SPATA13: variants seen among roughly 807,000 people sequenced by gnomAD.
SPATA13 encodes the protein spermatogenesis associated 13, also known as spermatogenesis-associated protein 13.
SPATA13 carries 50 observed loss-of-function variants against 104.0 expected under a neutral mutation model. That is an observed-to-expected ratio of 0.48 (90% CI 0.38 to 0.61). The LOEUF is 0.61. Ranked by LOEUF, SPATA13 falls within the 20% of genes least tolerant of loss-of-function variation. The pLI, the probability that SPATA13 is intolerant of heterozygous loss-of-function variation, is 0.00. For synonymous variants in SPATA13, 606 were observed against 667.5 expected, an observed-to-expected ratio of 0.91 and a Z score of 1.42; for missense variants, 1,524 against 1,690.6, an observed-to-expected ratio of 0.90 and a Z score of 1.73.
At chr13:24,256,011 G>A (rs1341975630) in intron 4 of SPATA13, among the ~76,000 whole-genome samples, 1 of 152,198 alleles carries the variant, frequency 6.6e-6, no homozygotes, top group Non-Finnish European at 1.5e-5. Context: ...AATACTTTCT[G>A]CATAAAATAT....
At chr13:24,076,414 A>T (rs746492823) in intron 3 of SPATA13, among the ~76,000 whole-genome samples, 4 of 152,194 alleles carry the variant, frequency 2.6e-5, no homozygotes, top group Non-Finnish European at 5.9e-5. Flanking sequence ...GACGAGGGGA[A>T]CAGACAATGA....
At chr13:24,231,092 C>T (rs1872247099) in intron 2 of SPATA13, among the ~76,000 whole-genome samples, 1 of 152,184 alleles carries the variant, frequency 6.6e-6, no homozygotes, top group Non-Finnish European at 1.5e-5. Flanking sequence ...TTTTACCAAT[C>T]CCTGTTCCCA....
At chr13:24,108,981 AC>A (rs1488350792) in intron 3 of SPATA13, among the ~76,000 whole-genome samples, 1 of 151,846 alleles carries the variant, frequency 6.6e-6, no homozygotes, top group African/African-American at 2.4e-5. Context: ...TTTAAATTAT[AC>A]TTTAAGTTCT....
intron 3 of SPATA13, among the ~76,000 whole-genome samples, chr13:24,068,662 A>AT (rs994486836): frequency 1.3e-5 from 2 of 152,008 alleles, no homozygotes; most frequent in African/African-American, 2.4e-5. Flanking sequence ...TTTTTGGACT[A>AT]TTTTGACTTG....
At chr13:24,196,976 G>A (rs1224841342) in intron 1 of SPATA13, among the ~76,000 whole-genome samples, 1 of 152,120 alleles carries the variant, frequency 6.6e-6, no homozygotes, top group East Asian at 1.9e-4. Context: ...GGTGAGTAGT[G>A]ATTACATATA....
intron 3 of SPATA13, among the ~76,000 whole-genome samples, chr13:24,114,098 T>C (rs1042127922): frequency 5.3e-5 from 8 of 152,208 alleles, no homozygotes; most frequent in African/African-American, 1.9e-4. Context: ...AAGACATTCA[T>C]ATGCAGTGTA....
intron 1 of SPATA13, among the ~76,000 whole-genome samples, chr13:24,173,838 T>C (rs1367026716): frequency 6.6e-6 from 1 of 152,218 alleles, no homozygotes; most frequent in Non-Finnish European, 1.5e-5. Context: ...TTTGGTCGTA[T>C]GAATAATTAT....
In SPATA13 at chr13:24,277,304, T is replaced by C. The variant is rs373764359; in HGVS notation, c.2165-6831T>C. Among the ~76,000 whole-genome samples the C allele has an allele frequency of 5.5e-3, 825 of 151,260 alleles. 2 individuals carry two copies. The highest frequency in any genetic ancestry group is 8.8e-3 in the African/African-American group (361 of 41,242). On this transcript the variant is annotated intron_variant, in intron 4 of 12. Coordinates refer to ENST00000382108, the MANE Select transcript of SPATA13 (RefSeq NM_001166271.3). ...CTAAAAATACAAAAAATTAGCTGGG[T>C]GTGGTGGCGGGCGCCTGTAGTCCCA...
In SPATA13 at chr13:24,198,282, C is replaced by T. The variant is rs576155208; in HGVS notation, c.-111-24537C>T. On this transcript the variant is annotated intron_variant, in intron 1 of 12. Transcript: ENST00000382108. ...TGCTGAGATTACAGGCGTGAGCCAC[C>T]GCACCGAGCCACCTTGTTTTGTTTC... 1.5e-4 allele frequency among the ~76,000 whole-genome samples: 23 copies of T among 152,224 alleles called. 1 individual carries two copies. The highest frequency in any genetic ancestry group is 2.9e-4 in the African/African-American group (12 of 41,532).
intron 3 of SPATA13, among the ~76,000 whole-genome samples, chr13:24,101,265 C>T (rs1224953282): frequency 1.3e-5 from 2 of 152,114 alleles, no homozygotes; most frequent in Admixed American, 6.6e-5. Context: ...TCTTAAAGTC[C>T]GTATACCATT....
intron 3 of SPATA13, among the ~76,000 whole-genome samples, chr13:24,116,770 C>CT (rs1491390042): frequency 7.1e-5 from 5 of 70,092 alleles, no homozygotes; most frequent in Non-Finnish European, 1.3e-4. Context: ...GCCCTACCAG[C>CT]CCCCCCCCCC....
chr13:24,137,093 G>A (rs1391571982), intron 3 of SPATA13, among the ~76,000 whole-genome samples: 1 of 35,148 alleles, frequency 2.8e-5, no homozygotes, highest in Non-Finnish European at 6.4e-5. Context: ...GCCTCCCAAA[G>A]TGCTGGGATT....
At position 24,224,087 on chromosome 13, in the gene SPATA13, C is replaced by G. The variant is rs538600242; in HGVS notation, c.1158C>G (p.Thr386=). ...GGAVMHGTTA[T]CTVAPGFGSA... is the part of the protein sequence containing the mutation. Reference sequence around the variant, plus strand: ...CGGTCATGCATGGGACCACTGCAACCTGCACCGTGGCCCCCGGTTTCGGCT... The same window carrying G: ...CGGTCATGCATGGGACCACTGCAACGTGCACCGTGGCCCCCGGTTTCGGCT... The change falls in exon 2 of 13, where the codon ACC becomes ACG. Residue 386 remains threonine (T), a synonymous_variant. Transcript: ENST00000382108. 6.4e-7 allele frequency: 1 copy of G among 1,551,262 alleles called. No homozygotes were observed. The highest frequency in any genetic ancestry group is 1.4e-5 in the African/African-American group (1 of 73,174).
At chr13:24,289,806 A>G (rs1198366732) in intron 8 of SPATA13, among the ~76,000 whole-genome samples, 1 of 152,218 alleles carries the variant, frequency 6.6e-6, no homozygotes, top group Non-Finnish European at 1.5e-5. Flanking sequence ...TCAGAGGAAG[A>G]TTTTAGTCCC....
intron 2 of SPATA13, among the ~76,000 whole-genome samples, chr13:24,014,482 C>T (rs1203510193): frequency 6.6e-6 from 1 of 152,174 alleles, no homozygotes; most frequent in African/African-American, 2.4e-5. Context: ...TGGATGAACA[C>T]ATATTTTGCA....
intron 3 of SPATA13, among the ~76,000 whole-genome samples, chr13:24,077,485 G>A (rs1879372583): frequency 6.6e-6 from 1 of 152,110 alleles, no homozygotes; most frequent in African/African-American, 2.4e-5. Flanking sequence ...GGGGGAAGAA[G>A]GGAGTGGGTG....
At chr13:24,214,771 TGTAAAGG>T (rs1871193569) in intron 1 of SPATA13, among the ~76,000 whole-genome samples, 1 of 152,206 alleles carries the variant, frequency 6.6e-6, no homozygotes, top group Non-Finnish European at 1.5e-5. Context: ...GCTTCTGCCT[TGTAAAGG>T]GTAACATAAC....
intron 8 of SPATA13, 113 bp from the exon 9 acceptor site, chr13:24,290,539 T>G: frequency 1.3e-6 from 1 of 787,484 alleles, no homozygotes; most frequent in Non-Finnish European, 2.2e-6. Flanking sequence ...CTTGCAGTAG[T>G]CCATCTTCCT....
intron 1 of SPATA13, among the ~76,000 whole-genome samples, chr13:24,168,520 G>A (rs1882835670): frequency 6.6e-6 from 1 of 152,094 alleles, no homozygotes; most frequent in Admixed American, 6.5e-5. Context: ...TTCTGCTGCT[G>A]AATCACTAAG....
Sources: allele counts gnomAD v4.1 joint callset (sites outside exome capture counted in the v4.1 genomes callset), GRCh38; gene constraint gnomAD v4.1.1; transcripts MANE v1.5; gene names NCBI Gene and HGNC (gene_info 2026-07-23, HGNC 2026-07-21).